SPRED2: variants seen among roughly 807,000 people sequenced by gnomAD.
The protein encoded by SPRED2 is sprouty-related, EVH1 domain-containing protein 2.
SPRED2 carries 47 observed loss-of-function variants against 43.0 expected under a neutral mutation model. That is an observed-to-expected ratio of 1.09 (90% confidence interval 0.87 to 1.40). The LOEUF is 1.40. SPRED2 is among the 40% of genes most tolerant of loss of function. The probability of loss-of-function intolerance (pLI) is 0.00; values close to 1 mark genes in which losing one functional copy is unlikely to be tolerated. For missense variants in SPRED2, 561 were observed against 586.4 expected, an observed-to-expected ratio of 0.96 and a Z score of 0.45; for synonymous variants, 225 against 225.7, an observed-to-expected ratio of 1.00 and a Z score of 0.03.
rs1013665083 is a variant in SPRED2, at chr2:65,313,525, G to A, written c.1233C>T (p.Gly411=). 2.5e-6 allele frequency: 4 copies of A among 1,609,476 alleles called. No individual in the cohort carries two copies. Among genetic ancestry groups the A allele is most frequent in the Admixed American group, 3.4e-5 (2 of 59,436 alleles). Residue 411 remains glycine, a synonymous_variant, in exon 6 of 6, where the codon GGC becomes GGT. Coordinates refer to ENST00000356388, the MANE Select transcript of SPRED2 (RefSeq NM_181784.3). ...YHCGVMCRCC[G]GKHKAAA ...GTCACGCGGCCGCTTTGTGCTTCCCGCCACAGCACCTGCACATCACTCCGC... is the reference window on the plus strand; with the variant it reads ...GTCACGCGGCCGCTTTGTGCTTCCCACCACAGCACCTGCACATCACTCCGC...
At chr2:65,392,429 G>A (rs1190699062) in intron 1 of SPRED2, among the ~76,000 whole-genome samples, 1 of 152,074 alleles carries the variant, frequency 6.6e-6, no homozygotes, top group Non-Finnish European at 1.5e-5. Flanking sequence ...TCCTACCTCA[G>A]CCTCCCAAAG....
chr2:65,374,466 C>A (rs906578), intron 1 of SPRED2, among the ~76,000 whole-genome samples: 51,701 of 151,888 alleles, frequency 0.34, 9,852 homozygotes, highest in Non-Finnish European at 0.44. Context: ...AATTCAGATT[C>A]TAAACTCATT....
intron 1 of SPRED2, among the ~76,000 whole-genome samples, chr2:65,395,748 A>G (rs968840717): frequency 6.6e-6 from 1 of 152,224 alleles, no homozygotes; most frequent in African/African-American, 2.4e-5. Context: ...GATAGTGTCC[A>G]GCACACAGTA....
At chr2:65,388,800 G>A (rs1348880147) in intron 1 of SPRED2, among the ~76,000 whole-genome samples, 1 of 152,070 alleles carries the variant, frequency 6.6e-6, no homozygotes, top group Non-Finnish European at 1.5e-5. Context: ...CCCAAACCCT[G>A]AGCATGTGGT....
At chr2:65,343,845 T>C (rs1384218174) in intron 2 of SPRED2, among the ~76,000 whole-genome samples, 1 of 152,090 alleles carries the variant, frequency 6.6e-6, no homozygotes, top group Non-Finnish European at 1.5e-5. Context: ...TAAGCATGGA[T>C]AATAATTTAT....
At chr2:65,418,425 C>G (rs944370663) in intron 1 of SPRED2, among the ~76,000 whole-genome samples, 4 of 152,202 alleles carry the variant, frequency 2.6e-5, no homozygotes, top group Admixed American at 6.5e-5. Flanking sequence ...GCTGACCTGT[C>G]TCCTCCCCTA....
Position 65,327,833 on chromosome 2 carries a change from C to T in SPRED2, c.438+4154G>A, listed in dbSNP as rs559200437. Among the ~76,000 whole-genome samples the T allele has an allele frequency of 3.8e-3, 554 of 145,930 alleles. 3 individuals carry two copies. The highest frequency in any genetic ancestry group is 0.013 in the African/African-American group (509 of 39,770). ...CCGCCTTCCAGGTTCAAGCGATTCT[C>T]CTGCCTCAGCCTCCGGAGTAGCTGG... On this transcript the variant is annotated intron_variant, in intron 4 of 5. Transcript: ENST00000356388.
intron 1 of SPRED2, among the ~76,000 whole-genome samples, chr2:65,348,548 A>ATCCCAGCACTTTGGGAGGCTGAAGTGG (rs1383085769): frequency 3.3e-5 from 5 of 152,198 alleles, no homozygotes; most frequent in Admixed American, 3.3e-4. Context: ...CATGCCTGTA[A>ATCCCAGCACTTTGGGAGGCTGAAGTGG]TCCCAGCACT....
At chr2:65,328,861 T>C (rs1222723682) in intron 4 of SPRED2, among the ~76,000 whole-genome samples, 1 of 152,202 alleles carries the variant, frequency 6.6e-6, no homozygotes, top group East Asian at 1.9e-4. Flanking sequence ...TTGCTGGGGA[T>C]AGAGTAGGTA....
At position 65,316,899 on chromosome 2, in the gene SPRED2, T is replaced by TA; in HGVS notation, c.439-17dup. On this transcript the variant is annotated splice_polypyrimidine_tract_variant and intron_variant, in intron 4 of 5. Transcript: ENST00000356388. Reference sequence around the variant, plus strand: ...CTGTAGCTGTCTGTGTAGAGGGAGGTAACCAAGAGTCAATTTAAAAACAAC... The same window carrying TA: ...CTGTAGCTGTCTGTGTAGAGGGAGGTAAACCAAGAGTCAATTTAAAAACAAC... The TA allele has an allele frequency of 6.2e-7, 1 of 1,612,098 alleles. No homozygotes were observed. The highest frequency in any genetic ancestry group is 8.5e-7 in the Non-Finnish European group (1 of 1,179,212).
chr2:65,424,798 A>G (rs982602673), intron 1 of SPRED2, among the ~76,000 whole-genome samples: 1 of 152,174 alleles, frequency 6.6e-6, no homozygotes, highest in Non-Finnish European at 1.5e-5. Context: ...CTAAAAATTT[A>G]AAAATTAGCC....
intron 1 of SPRED2, among the ~76,000 whole-genome samples, chr2:65,367,481 T>G (rs573083046): frequency 1.3e-5 from 2 of 151,952 alleles, no homozygotes; most frequent in Non-Finnish European, 2.9e-5. Context: ...TTAAAAAAAA[T>G]TTTTTTTTCA....
intron 1 of SPRED2, among the ~76,000 whole-genome samples, chr2:65,414,885 T>G (rs1676238571): frequency 6.6e-6 from 1 of 152,168 alleles, no homozygotes. Context: ...AAAAGCCAGA[T>G]AGTTGTGTCC....
intron 1 of SPRED2, among the ~76,000 whole-genome samples, chr2:65,411,376 G>T (rs527676246): frequency 2.0e-4 from 30 of 152,296 alleles, no homozygotes; most frequent in African/African-American, 7.2e-4. Context: ...GGTTGCAAAA[G>T]TGCTAATATG....
At chr2:65,345,259 G>GTT (rs66991368) in intron 1 of SPRED2, among the ~76,000 whole-genome samples, 22,976 of 110,104 alleles carry the variant, frequency 0.21, 2,922 homozygotes, top group East Asian at 0.56. Context: ...TTTAGTTGTT[G>GTT]TTTTTTTTTT....
intron 1 of SPRED2, among the ~76,000 whole-genome samples, chr2:65,372,586 G>A (rs879602914): frequency 3.9e-5 from 6 of 152,094 alleles, no homozygotes; most frequent in Admixed American, 6.5e-5. Flanking sequence ...AGACCTGGTT[G>A]CAAACAGACC....
chr2:65,392,014 T>C (rs1455004739), intron 1 of SPRED2, among the ~76,000 whole-genome samples: 1 of 152,104 alleles, frequency 6.6e-6, no homozygotes. Flanking sequence ...TTTCTCCTGG[T>C]TGTCTTTGTC....
intron 2 of SPRED2, 163 bp downstream of exon 2, chr2:65,344,556 T>C: frequency 1.1e-6 from 1 of 872,386 alleles, no homozygotes; most frequent in Non-Finnish European, 1.9e-6. Flanking sequence ...AGTCACGTTT[T>C]ACAATTTGGC....
chr2:65,348,540 T>G (rs1282279814), intron 1 of SPRED2, among the ~76,000 whole-genome samples: 1 of 152,100 alleles, frequency 6.6e-6, no homozygotes, highest in Non-Finnish European at 1.5e-5. Flanking sequence ...CGGTGGCTCA[T>G]GCCTGTAATC....
Sources: allele counts gnomAD v4.1 joint callset (sites outside exome capture counted in the v4.1 genomes callset), GRCh38; gene constraint gnomAD v4.1.1; transcripts MANE v1.5; gene names NCBI Gene and HGNC (gene_info 2026-07-23, HGNC 2026-07-21).